The following DPP10 variants were observed in gnomAD, a reference collection of about 807,000 sequenced individuals.
DPP10 encodes dipeptidyl peptidase like 10.
Under a neutral mutation model 120.9 loss-of-function variants are expected in DPP10, and 33 were observed. The ratio of observed to expected loss-of-function variants is 0.27; its 90% confidence interval spans 0.21 to 0.37. The LOEUF (loss-of-function observed/expected upper bound fraction) is 0.37. DPP10 is among the 10% of genes least tolerant of loss of function. DPP10 has a pLI of 1.00. For missense variants in DPP10, 816 were observed against 942.8 expected, an observed-to-expected ratio of 0.87 and a Z score of 1.76; for synonymous variants, 337 against 326.1, an observed-to-expected ratio of 1.03 and a Z score of -0.36.
At chr2:115,134,250 G>A (rs1002229625) in intron 1 of DPP10, among the ~76,000 whole-genome samples, 2 of 152,152 alleles carry the variant, frequency 1.3e-5, no homozygotes, top group African/African-American at 4.8e-5. Context: ...CTAAGTTTAA[G>A]TACCTATTAA....
chr2:115,413,332 C>G (rs763327769), intron 3 of DPP10, among the ~76,000 whole-genome samples: 13 of 152,012 alleles, frequency 8.6e-5, no homozygotes, highest in African/African-American at 1.4e-4. Flanking sequence ...CAAATAGAAA[C>G]AGCAAAATGG....
At chr2:115,620,518 A>C (rs2084866686) in intron 5 of DPP10, among the ~76,000 whole-genome samples, 1 of 152,176 alleles carries the variant, frequency 6.6e-6, no homozygotes, top group East Asian at 1.9e-4. Context: ...ATCAATGGAA[A>C]ATTTGTCATA....
At chr2:115,621,852 A>G (rs1315874430) in intron 5 of DPP10, among the ~76,000 whole-genome samples, 1 of 151,840 alleles carries the variant, frequency 6.6e-6, no homozygotes, top group Non-Finnish European at 1.5e-5. Flanking sequence ...TAATTTTTGT[A>G]TTTTTGGTAA....
At chr2:114,737,506 T>A (rs1199025451) in intron 1 of DPP10, among the ~76,000 whole-genome samples, 1 of 152,224 alleles carries the variant, frequency 6.6e-6, no homozygotes, top group Non-Finnish European at 1.5e-5. Flanking sequence ...GAAAGCTTGA[T>A]GGAAAGGGAA....
chr2:114,482,299 A>G (rs1230844312), intron 1 of DPP10, among the ~76,000 whole-genome samples: 5 of 152,196 alleles, frequency 3.3e-5, no homozygotes, highest in Non-Finnish European at 7.3e-5. Flanking sequence ...ATGTGGTGAT[A>G]GAAGCCTTTT....
At chr2:115,708,986 A>G (rs2092225858) in intron 7 of DPP10, among the ~76,000 whole-genome samples, 1 of 152,240 alleles carries the variant, frequency 6.6e-6, no homozygotes. Flanking sequence ...TTGCTCACAC[A>G]TCAATCTTCA....
intron 11 of DPP10, among the ~76,000 whole-genome samples, chr2:115,756,300 G>A (rs1412911466): frequency 6.6e-6 from 1 of 151,978 alleles, no homozygotes; most frequent in Non-Finnish European, 1.5e-5. Context: ...ATGATTTAGT[G>A]TTTATTTTCA....
intron 1 of DPP10, among the ~76,000 whole-genome samples, chr2:114,554,091 A>G (rs1688096032): frequency 6.6e-6 from 1 of 152,240 alleles, no homozygotes; most frequent in African/African-American, 2.4e-5. Context: ...TAGTGAATCC[A>G]TAATTGCTAA....
intron 1 of DPP10, among the ~76,000 whole-genome samples, chr2:114,667,745 C>A (rs546763483): frequency 6.6e-6 from 1 of 152,210 alleles, no homozygotes; most frequent in South Asian, 2.1e-4. Context: ...CAGAAACTTA[C>A]GTTTTTACAA....
At chr2:115,289,174 A>G (rs887006953) in intron 1 of DPP10, among the ~76,000 whole-genome samples, 1 of 152,116 alleles carries the variant, frequency 6.6e-6, no homozygotes, top group African/African-American at 2.4e-5. Flanking sequence ...AAAATCAAGA[A>G]CTCAACCGCT....
At chr2:115,095,888 A>G (rs933691132) in intron 1 of DPP10, among the ~76,000 whole-genome samples, 22 of 152,282 alleles carry the variant, frequency 1.4e-4, no homozygotes, top group Admixed American at 1.4e-3. Context: ...TAATAGTAAA[A>G]TTTAAAAGAA....
intron 1 of DPP10, among the ~76,000 whole-genome samples, chr2:114,569,271 A>G (rs1301636227): frequency 6.6e-6 from 1 of 152,186 alleles, no homozygotes; most frequent in Non-Finnish European, 1.5e-5. Context: ...AAATCCTGCA[A>G]GAGTGAGAAA....
chr2:114,764,799 C>T (rs1029802723), intron 1 of DPP10, among the ~76,000 whole-genome samples: 1 of 152,072 alleles, frequency 6.6e-6, no homozygotes, highest in Admixed American at 6.6e-5. Context: ...CCTTCCTATA[C>T]CTACCTATGC....
intron 3 of DPP10, among the ~76,000 whole-genome samples, chr2:115,401,273 G>T (rs75716987): frequency 6.6e-6 from 1 of 152,084 alleles, no homozygotes; most frequent in Non-Finnish European, 1.5e-5. Flanking sequence ...CCAAATAACT[G>T]GGTGATCACT....
chr2:115,510,505 T>C (rs1007630629), intron 4 of DPP10, among the ~76,000 whole-genome samples: 2 of 152,146 alleles, frequency 1.3e-5, no homozygotes, highest in Non-Finnish European at 2.9e-5. Context: ...TCTATTAATC[T>C]ATATGTTTAT....
At chr2:114,513,541 A>G (rs1684340235) in intron 1 of DPP10, among the ~76,000 whole-genome samples, 1 of 150,650 alleles carries the variant, frequency 6.6e-6, no homozygotes, top group South Asian at 2.1e-4. Flanking sequence ...AAAAAAAAAA[A>G]AAGAAACTAG....
At chr2:115,239,110 T>TG (rs2058141867) in intron 1 of DPP10, among the ~76,000 whole-genome samples, 1 of 152,036 alleles carries the variant, frequency 6.6e-6, no homozygotes, top group Non-Finnish European at 1.5e-5. Flanking sequence ...AGATTAAGGG[T>TG]GGGTCTACCT....
chr2:114,548,191 G>A (rs763099653), intron 1 of DPP10, among the ~76,000 whole-genome samples: 8 of 152,166 alleles, frequency 5.3e-5, no homozygotes, highest in East Asian at 1.9e-4. Flanking sequence ...TATTATTACC[G>A]TTAAGATGAT....
chr2:115,571,553 G>A (rs577839282), intron 5 of DPP10, among the ~76,000 whole-genome samples: 5 of 152,308 alleles, frequency 3.3e-5, no homozygotes, highest in African/African-American at 1.2e-4. Context: ...GAGATGCAAT[G>A]TGTAGAAATA....
Sources: gnomAD v4.1 joint callset for allele counts (sites outside exome capture counted in the v4.1 genomes callset) on GRCh38, gnomAD v4.1.1 for gene constraint, MANE v1.5 for transcripts, NCBI Gene and HGNC (gene_info 2026-07-23, HGNC 2026-07-21) for gene names.